Variants in GPC6 observed in about 807,000 individuals in gnomAD.
GPC6 encodes glypican-6.
In GPC6, 14 loss-of-function variants were observed where a neutral mutation model predicts 55.2. The observed-to-expected ratio is 0.25, with a 90% CI of 0.17 to 0.40. The LOEUF (loss-of-function observed/expected upper bound fraction) is 0.40. GPC6 is among the 10% of genes least tolerant of loss of function. The pLI, the probability that GPC6 is intolerant of heterozygous loss-of-function variation, is 1.00. For missense variants in GPC6, 641 were observed against 708.5 expected (o/e 0.90, Z 1.08); for synonymous variants, 278 against 259.6 (o/e 1.07, Z -0.68).
chr13:94,001,824 C>A (rs1881815769), intron 3 of GPC6, among the ~76,000 whole-genome samples: 1 of 152,066 alleles, frequency 6.6e-6, no homozygotes, highest in Admixed American at 6.6e-5. Flanking sequence ...TTGTTCAAGA[C>A]TATTGCAATG....
chr13:94,280,665 G>A (rs974925384), intron 4 of GPC6, among the ~76,000 whole-genome samples: 6 of 151,962 alleles, frequency 3.9e-5, no homozygotes, highest in African/African-American at 1.5e-4. Context: ...TTATCACAGT[G>A]CTTTTTAAAT....
chr13:93,800,611 T>C (rs1045729540), intron 2 of GPC6, among the ~76,000 whole-genome samples: 5 of 152,224 alleles, frequency 3.3e-5, no homozygotes, highest in African/African-American at 1.2e-4. Context: ...TGTCATGTTA[T>C]GCTTGCCAGA....
chr13:93,750,785 G>T (rs1290738627), intron 2 of GPC6, among the ~76,000 whole-genome samples: 1 of 152,174 alleles, frequency 6.6e-6, no homozygotes. Context: ...TGGGCGTGAG[G>T]CCAGGCATTT....
intron 4 of GPC6, among the ~76,000 whole-genome samples, chr13:94,147,601 G>C (rs1174839259): frequency 1.3e-5 from 2 of 152,086 alleles, no homozygotes; most frequent in Non-Finnish European, 2.9e-5. Flanking sequence ...CTTCCTTCTG[G>C]TTTAGTGTAA....
chr13:93,962,500 T>C (rs977289066), intron 3 of GPC6, among the ~76,000 whole-genome samples: 3 of 152,068 alleles, frequency 2.0e-5, no homozygotes, highest in Admixed American at 2.0e-4. Flanking sequence ...TGCCCCACAT[T>C]CTAAGCAGCC....
chr13:94,119,165 C>G (rs183904987), intron 4 of GPC6, among the ~76,000 whole-genome samples: 23 of 152,138 alleles, frequency 1.5e-4, no homozygotes, highest in African/African-American at 5.3e-4. Context: ...TGAGCACCTA[C>G]TATATGCAAG....
intron 4 of GPC6, among the ~76,000 whole-genome samples, chr13:94,243,113 C>G (rs1474343887): frequency 6.6e-6 from 1 of 152,108 alleles, no homozygotes; most frequent in Non-Finnish European, 1.5e-5. Flanking sequence ...CTGACTTCAT[C>G]TCTTCCAGGG....
At chr13:93,332,331 G>A (rs1276070800) in intron 1 of GPC6, among the ~76,000 whole-genome samples, 2 of 146,982 alleles carry the variant, frequency 1.4e-5, no homozygotes, top group African/African-American at 2.5e-5. Context: ...ACATTCCCAC[G>A]CAACAGTGTG....
chr13:93,903,345 T>G (rs1237293257), intron 3 of GPC6, among the ~76,000 whole-genome samples: 3 of 152,232 alleles, frequency 2.0e-5, no homozygotes, highest in Non-Finnish European at 4.4e-5. Flanking sequence ...TACTTTTACT[T>G]GATCTTTATA....
intron 3 of GPC6, among the ~76,000 whole-genome samples, chr13:93,970,607 A>G (rs1188679961): frequency 6.6e-6 from 1 of 152,192 alleles, no homozygotes; most frequent in African/African-American, 2.4e-5. Context: ...GAGACATCCA[A>G]TGATATGACA....
intron 4 of GPC6, among the ~76,000 whole-genome samples, chr13:94,173,060 A>G (rs1566498507): frequency 6.6e-6 from 1 of 152,192 alleles, no homozygotes; most frequent in Non-Finnish European, 1.5e-5. Flanking sequence ...GACTGCACCA[A>G]TATCTTGAAT....
intron 1 of GPC6, among the ~76,000 whole-genome samples, chr13:93,254,735 C>T (rs1199589632): frequency 6.6e-6 from 1 of 151,842 alleles, no homozygotes; most frequent in Non-Finnish European, 1.5e-5. Flanking sequence ...AGTGAGGATG[C>T]CCAGATGACA....
intron 2 of GPC6, among the ~76,000 whole-genome samples, chr13:93,713,566 T>A (rs1214696458): frequency 6.6e-6 from 1 of 151,760 alleles, no homozygotes; most frequent in Non-Finnish European, 1.5e-5. Context: ...AATGGCATAA[T>A]TATAGCTCAC....
chr13:94,094,610 A>C (rs1031642856), intron 4 of GPC6, among the ~76,000 whole-genome samples: 2 of 152,132 alleles, frequency 1.3e-5, no homozygotes, highest in African/African-American at 4.8e-5. Flanking sequence ...CTGCTTTATA[A>C]AAGGAAAATT....
chr13:93,380,254 A>C (rs1029221616), intron 1 of GPC6, among the ~76,000 whole-genome samples: 1 of 152,182 alleles, frequency 6.6e-6, no homozygotes, highest in African/African-American at 2.4e-5. Context: ...CAGGAGACCA[A>C]TAAAGACAGA....
At chr13:93,410,661 A>G (rs2139244208) in intron 1 of GPC6, among the ~76,000 whole-genome samples, 1 of 152,326 alleles carries the variant, frequency 6.6e-6, no homozygotes, top group East Asian at 1.9e-4. Context: ...CCTCCACAGT[A>G]TATTAAATTA....
chr13:93,756,549 T>C (rs916548654), intron 2 of GPC6, among the ~76,000 whole-genome samples: 4 of 152,170 alleles, frequency 2.6e-5, no homozygotes, highest in African/African-American at 9.7e-5. Flanking sequence ...TTTGTGTGCC[T>C]GCTGGATACT....
intron 3 of GPC6, among the ~76,000 whole-genome samples, chr13:94,016,055 A>C (rs957677515): frequency 6.6e-6 from 1 of 152,098 alleles, no homozygotes; most frequent in Admixed American, 6.6e-5. Flanking sequence ...TTCATCCCCT[A>C]TCCCCAGGTA....
chr13:94,275,066 GA>G (rs1367884665), intron 4 of GPC6, among the ~76,000 whole-genome samples: 1 of 152,066 alleles, frequency 6.6e-6, no homozygotes, highest in African/African-American at 2.4e-5. Context: ...CTTTCTGGAA[GA>G]AAATACAGAA....
Sources: gnomAD v4.1 joint callset for allele counts (sites outside exome capture counted in the v4.1 genomes callset) on GRCh38, gnomAD v4.1.1 for gene constraint, MANE v1.5 for transcripts, NCBI Gene and HGNC (gene_info 2026-07-23, HGNC 2026-07-21) for gene names.